The following GATM variants were observed in gnomAD, a reference collection of about 807,000 sequenced individuals.
GATM encodes glycine amidinotransferase, also known as glycine amidinotransferase, mitochondrial.
In GATM, 23 loss-of-function variants were observed where a neutral mutation model predicts 54.2. The observed-to-expected ratio is 0.42, with a 90% CI of 0.31 to 0.60. GATM has a LOEUF of 0.60. Among genes scored for constraint, GATM ranks in the 20% least tolerant of loss-of-function variants. GATM has a pLI of 0.14. For synonymous variants in GATM, 168 were observed against 183.1 expected, an observed-to-expected ratio of 0.92 and a Z score of 0.67; for missense variants, 401 against 544.9, an observed-to-expected ratio of 0.74 and a Z score of 2.63.
chr15:45,374,388 G>T (rs1024401320), intron 2 of GATM, among the ~76,000 whole-genome samples: 3 of 152,122 alleles, frequency 2.0e-5, no homozygotes, highest in African/African-American at 7.2e-5. Context: ...ACAAGTAGAA[G>T]GATAAATTAT....
rs1053612714 is a variant in GATM at position 45,361,694 on chromosome 15, CTT to C, written c.*413_*414del. ...TTTTGGATCTGTGTACATTCTAAGT[CTT>C]TCTCTCATTTAGAGAAAAACATTCT... On this transcript the variant is annotated 3_prime_UTR_variant, in exon 9 of 9. Transcript: ENST00000396659. 6.7e-5 allele frequency: 28 copies of C among 420,504 alleles called. No homozygotes were observed. The highest frequency in any genetic ancestry group is 3.6e-4 in the Admixed American group (9 of 25,288). The allele number at this position is 420,504 out of a possible 1,614,324, so 26.0% of individuals were successfully genotyped here. A position where few individuals can be genotyped will look rare whatever the true frequency, so the allele number is the denominator to read the frequency against.
chr15:45,364,056 T>C (rs1292043774), intron 7 of GATM, 40 bp from the exon 8 acceptor site: 1 of 1,208,074 alleles, frequency 8.3e-7, no homozygotes, highest in Non-Finnish European at 1.2e-6. Context: ...TCCGCTATCA[T>C]TTTTGTTTAA....
upstream of GATM, chr15:45,378,760 G>A (rs992043215): frequency 6.1e-6 from 2 of 329,188 alleles, no homozygotes; most frequent in Non-Finnish European, 1.1e-5. Context: ...GTCCGGACCC[G>A]GACCCAGACC....
At chr15:45,370,742 T>C (rs1288432331) in intron 2 of GATM, among the ~76,000 whole-genome samples, 5 of 152,100 alleles carry the variant, frequency 3.3e-5, no homozygotes, top group African/African-American at 1.2e-4. Context: ...TTGAATAGGG[T>C]AGGTGCAACA....
At chr15:45,388,385 G>C (rs765463598) in intron 3 of GATM, among the ~76,000 whole-genome samples, 2 of 152,136 alleles carry the variant, frequency 1.3e-5, no homozygotes, top group Non-Finnish European at 2.9e-5. Context: ...AGATACATTT[G>C]CTAAAACTAA....
intron 1 of GATM, chr15:45,378,044 G>T (rs570156869): frequency 1.9e-5 from 5 of 264,350 alleles, no homozygotes; most frequent in African/African-American, 1.1e-4. Flanking sequence ...TGCTCCGAGC[G>T]GGAAGCTTGG....
chr15:45,394,122 C>T (rs1222741799), intron 3 of GATM, among the ~76,000 whole-genome samples: 1 of 152,190 alleles, frequency 6.6e-6, no homozygotes, highest in Non-Finnish European at 1.5e-5. Context: ...CTGTTAGGAA[C>T]CAAGCCACAC....
chr15:45,377,993 C>T (rs1889669429), intron 1 of GATM: 1 of 177,632 alleles, frequency 5.6e-6, no homozygotes, highest in Non-Finnish European at 1.2e-5. Flanking sequence ...CCCAATAACG[C>T]CACCCTTTTA....
Position 45,368,392 on chromosome 15 carries a change from A to G in GATM, c.485-132T>C. ...TTTGGGAGGCCAAGACGGGCGGATC[A>G]CTTGATCCTCTTCAAGAGCAGCCTG... is the stretch of plus-strand genomic sequence containing the variant. On this transcript the variant is annotated intron_variant, in intron 3 of 8. Coordinates refer to ENST00000396659, the MANE Select transcript of GATM (RefSeq NM_001482.3). The surrounding 1 kb of genome is among the most constrained non-coding windows in gnomAD (Gnocchi z 5.1). 1.3e-6 allele frequency: 1 copy of G among 745,614 alleles called. No individual in the cohort carries two copies. Among genetic ancestry groups the G allele is most frequent in the East Asian group, 2.7e-5 (1 of 37,426 alleles). The allele number at this position is 745,614 out of a possible 1,614,324, so 46.2% of individuals were successfully genotyped here. A position where few individuals can be genotyped will look rare whatever the true frequency, so the allele number is the denominator to read the frequency against.
exon 1 of GATM, chr15:45,402,029 T>G (rs538835926): frequency 5.3e-6 from 1 of 187,774 alleles, no homozygotes; most frequent in South Asian, 1.1e-4. Context: ...TAGGTTGCTA[T>G]TCCAACGGCG....
At chr15:45,362,243 G>A (rs1889377314) in intron 8 of GATM, 22 bp from the exon 9 acceptor site, 1 of 1,414,616 alleles carries the variant, frequency 7.1e-7, no homozygotes, top group Non-Finnish European at 1.0e-6. Context: ...GAGAGATGAG[G>A]TCAGTTAGAT....
At chr15:45,364,931 G>T in intron 6 of GATM, 71 bp from the exon 7 acceptor site, 2 of 1,185,816 alleles carry the variant, frequency 1.7e-6, no homozygotes, top group Non-Finnish European at 2.5e-6. Context: ...GTCTCTAATA[G>T]CCCTTATCAG....
At chr15:45,378,050 C>G (rs72709089) in intron 1 of GATM, 19,185 of 279,676 alleles carry the variant, frequency 0.069, 867 homozygotes, top group Middle Eastern at 0.15. Flanking sequence ...GAGCGGGAAG[C>G]TTGGTGCAGC....
upstream of GATM, chr15:45,380,403 T>C (rs1889725899): frequency 6.6e-6 from 1 of 152,142 alleles, no homozygotes; most frequent in Non-Finnish European, 1.5e-5. Context: ...CAAATCCCTT[T>C]ATCTTTCTAA....
chr15:45,391,405 G>A (rs908503380), intron 3 of GATM, among the ~76,000 whole-genome samples: 4 of 152,140 alleles, frequency 2.6e-5, no homozygotes, highest in African/African-American at 9.7e-5. Flanking sequence ...GAGCGAGACT[G>A]TATCTCAAAA....
At chr15:45,389,974 C>T (rs991171680) in intron 3 of GATM, among the ~76,000 whole-genome samples, 3 of 151,964 alleles carry the variant, frequency 2.0e-5, no homozygotes, top group Admixed American at 6.6e-5. Flanking sequence ...ATTCTTGTGC[C>T]CCTGCCTCCC....
At chr15:45,386,226 T>C (rs1357834813) in intron 3 of GATM, among the ~76,000 whole-genome samples, 1 of 152,240 alleles carries the variant, frequency 6.6e-6, no homozygotes, top group African/African-American at 2.4e-5. Context: ...AACATATGTA[T>C]GCACATAAAA....
At chr15:45,386,363 C>T (rs182842237) in intron 3 of GATM, among the ~76,000 whole-genome samples, 4 of 152,322 alleles carry the variant, frequency 2.6e-5, no homozygotes, top group Non-Finnish European at 5.9e-5. Context: ...GACTTTGCTA[C>T]ATTTATAATC....
At chr15:45,384,772 G>A (rs190384499) in intron 3 of GATM, among the ~76,000 whole-genome samples, 3 of 151,876 alleles carry the variant, frequency 2.0e-5, no homozygotes, top group East Asian at 3.9e-4. Flanking sequence ...GCAGTGGTGC[G>A]ATCATAGCTC....
Sources: gnomAD v4.1 joint callset for allele counts (sites outside exome capture counted in the v4.1 genomes callset) on GRCh38, gnomAD v4.1.1 for gene constraint, Gnocchi (gnomAD v3.1) non-coding constraint, MANE v1.5 for transcripts, NCBI Gene and HGNC (gene_info 2026-07-23, HGNC 2026-07-21) for gene names.